The following PTPRN2 variants were observed in gnomAD, a reference collection of about 807,000 sequenced individuals.
PTPRN2 encodes protein tyrosine phosphatase receptor type N2.
PTPRN2 carries 74 observed loss-of-function variants against 118.8 expected under a neutral mutation model. That is an observed-to-expected ratio of 0.62 (90% CI 0.52 to 0.76). The LOEUF is 0.76. PTPRN2 is among the 30% of genes least tolerant of loss of function. The pLI, the probability that PTPRN2 is intolerant of heterozygous loss-of-function variation, is 0.00. For synonymous variants in PTPRN2, 641 were observed against 608.0 expected, an observed-to-expected ratio of 1.05 and a Z score of -0.80; for missense variants, 1,481 against 1,394.4, an observed-to-expected ratio of 1.06 and a Z score of -0.99.
intron 11 of PTPRN2, among the ~76,000 whole-genome samples, chr7:158,072,372 C>A (rs1205359750): frequency 1.3e-5 from 2 of 152,118 alleles, no homozygotes; most frequent in Non-Finnish European, 2.9e-5. Context: ...CAAGAATGGG[C>A]CTTCAGAGCT....
chr7:158,268,619 G>A (rs571583286), intron 3 of PTPRN2, among the ~76,000 whole-genome samples: 54 of 143,248 alleles, frequency 3.8e-4, no homozygotes, highest in East Asian at 8.4e-4. Flanking sequence ...CACACAGGGC[G>A]GGTGTGAAAT....
intron 11 of PTPRN2, among the ~76,000 whole-genome samples, chr7:158,053,846 C>CGCAGAGACCCCAGAGAT (rs1809533220): frequency 8.7e-6 from 1 of 115,508 alleles, no homozygotes; most frequent in Non-Finnish European, 1.7e-5. Context: ...ACCCCAGAGA[C>CGCAGAGACCCCAGAGAT]GCAGAGACTC....
At chr7:157,904,812 G>A (rs1210470855) in intron 11 of PTPRN2, among the ~76,000 whole-genome samples, 1 of 152,172 alleles carries the variant, frequency 6.6e-6, no homozygotes, top group African/African-American at 2.4e-5. Context: ...CATCGCGAAC[G>A]CTGCACAAGG....
intron 3 of PTPRN2, among the ~76,000 whole-genome samples, chr7:158,307,548 T>A (rs1801391029): frequency 6.6e-6 from 1 of 152,020 alleles, no homozygotes; most frequent in Non-Finnish European, 1.5e-5. Flanking sequence ...TTCCCAAAAC[T>A]AGATGGAAAA....
intron 1 of PTPRN2, among the ~76,000 whole-genome samples, chr7:158,527,214 C>T (rs1428924858): frequency 2.1e-5 from 3 of 140,880 alleles, no homozygotes; most frequent in South Asian, 2.1e-4. Context: ...GCCCTCACCT[C>T]CCCCCACCCC....
intron 11 of PTPRN2, among the ~76,000 whole-genome samples, chr7:158,074,030 G>A (rs35472694): frequency 0.015 from 2,284 of 152,326 alleles, 29 homozygotes; most frequent in South Asian, 0.051. Context: ...GGCCACAGCC[G>A]CCAGCCATCC....
intron 12 of PTPRN2, among the ~76,000 whole-genome samples, chr7:157,811,237 C>T (rs1489525402): frequency 6.7e-6 from 1 of 149,656 alleles, no homozygotes; most frequent in African/African-American, 2.5e-5. Flanking sequence ...CACCACTATA[C>T]CCCAGCCTGG....
intron 3 of PTPRN2, among the ~76,000 whole-genome samples, chr7:158,276,194 G>T (rs553142449): frequency 7.2e-6 from 1 of 139,804 alleles, no homozygotes; most frequent in African/African-American, 2.6e-5. Flanking sequence ...TTGAAGCACA[G>T]CTCCTGCCCT....
intron 12 of PTPRN2, among the ~76,000 whole-genome samples, chr7:157,683,456 C>A (rs1289656984): frequency 6.6e-6 from 1 of 152,198 alleles, no homozygotes; most frequent in Admixed American, 6.5e-5. Flanking sequence ...ACAGAACATT[C>A]TCCCTCCCAG....
intron 17 of PTPRN2, among the ~76,000 whole-genome samples, chr7:157,581,736 C>G (rs950264385): frequency 6.6e-6 from 1 of 152,218 alleles, no homozygotes; most frequent in African/African-American, 2.4e-5. Flanking sequence ...CGCTGTCCTC[C>G]CCACAGCTTA....
rs1340830426 is a variant in PTPRN2, at chr7:157,763,444, C to G, written c.1789-80507G>C. Among the ~76,000 whole-genome samples the G allele has an allele frequency of 2.0e-5, 3 of 152,130 alleles. No homozygotes were observed. Among genetic ancestry groups the G allele is most frequent in the African/African-American group, 7.2e-5 (3 of 41,438 alleles). ...GGCACAGGTTGGCGGTGGCCCTGAG[C>G]CAGGCTGGTGTGGCCTCGAGTCCCT... is the stretch of plus-strand genomic sequence containing the variant. On this transcript the variant is annotated intron_variant, in intron 12 of 22. Coordinates refer to ENST00000389418, the MANE Select transcript of PTPRN2 (RefSeq NM_002847.5). This position sits in a 1 kb window ranked among gnomAD's most constrained non-coding sequence, Gnocchi z 4.9.
chr7:157,552,105 C>T (rs1363257350), intron 21 of PTPRN2, among the ~76,000 whole-genome samples: 3 of 151,208 alleles, frequency 2.0e-5, no homozygotes, highest in African/African-American at 7.3e-5. Context: ...ACTCTATGGC[C>T]ACTGCACACC....
intron 12 of PTPRN2, among the ~76,000 whole-genome samples, chr7:157,851,093 C>A (rs1004943284): frequency 1.3e-5 from 2 of 152,178 alleles, no homozygotes; most frequent in Non-Finnish European, 2.9e-5. Context: ...ACCGGACTCA[C>A]CCAGCCTCCA....
intron 11 of PTPRN2, among the ~76,000 whole-genome samples, chr7:158,073,958 C>A (rs918836447): frequency 6.6e-6 from 1 of 152,188 alleles, no homozygotes; most frequent in Non-Finnish European, 1.5e-5. Context: ...CTGGGACTCC[C>A]CTCCAGCACA....
At chr7:158,421,737 C>T (rs1174276856) in intron 2 of PTPRN2, among the ~76,000 whole-genome samples, 1 of 152,202 alleles carries the variant, frequency 6.6e-6, no homozygotes, top group Non-Finnish European at 1.5e-5. Flanking sequence ...GCAGCATGTT[C>T]TGGGCTGCTT....
chr7:158,273,266 A>C (rs1798635243), intron 3 of PTPRN2, among the ~76,000 whole-genome samples: 1 of 152,104 alleles, frequency 6.6e-6, no homozygotes, highest in Admixed American at 6.5e-5. Context: ...AATGACACCG[A>C]ACGTTTATGG....
chr7:157,931,167 T>G (rs977353904), intron 11 of PTPRN2, among the ~76,000 whole-genome samples: 1 of 152,148 alleles, frequency 6.6e-6, no homozygotes, highest in Non-Finnish European at 1.5e-5. Flanking sequence ...ACGGATAGGG[T>G]GGCTGGCATC....
intron 12 of PTPRN2, among the ~76,000 whole-genome samples, chr7:157,870,533 CT>C (rs1374367126): frequency 6.6e-6 from 1 of 152,214 alleles, no homozygotes; most frequent in Non-Finnish European, 1.5e-5. Flanking sequence ...GATAGGGGCT[CT>C]TTTCAAACTG....
chr7:157,566,252 A>T (rs886361798), intron 21 of PTPRN2, among the ~76,000 whole-genome samples: 8 of 152,240 alleles, frequency 5.3e-5, no homozygotes, highest in African/African-American at 1.9e-4. Context: ...GGTCTTCTGT[A>T]ATGCATTCCT....
Sources: allele counts gnomAD v4.1 joint callset (sites outside exome capture counted in the v4.1 genomes callset), GRCh38; gene constraint gnomAD v4.1.1; non-coding constraint Gnocchi (gnomAD v3.1); transcripts MANE v1.5; gene names NCBI Gene and HGNC (gene_info 2026-07-23, HGNC 2026-07-21).